Variants in AOX1 observed in about 807,000 individuals in gnomAD.
The protein encoded by AOX1 is aldehyde oxidase.
A neutral mutation model predicts 169.5 loss-of-function variants in AOX1; 153 were observed. The ratio of observed to expected loss-of-function variants is 0.90; its 90% confidence interval spans 0.79 to 1.03. The LOEUF is 1.03. Among genes scored for constraint, AOX1 ranks in the 50% least tolerant of loss-of-function variants. The probability of loss-of-function intolerance (pLI) is 0.00; values close to 1 mark genes in which losing one functional copy is unlikely to be tolerated. For synonymous variants in AOX1, 562 were observed against 581.9 expected (o/e 0.97, Z 0.49); for missense variants, 1,656 against 1,663.9 (o/e 1.00, Z 0.08).
intron 25 of AOX1, among the ~76,000 whole-genome samples, chr2:200,643,774 C>T (rs2035401149): frequency 6.6e-6 from 1 of 152,146 alleles, no homozygotes; most frequent in Non-Finnish European, 1.5e-5. Context: ...GGTGGTGTAG[C>T]ATTGTGGTTT....
At chr2:200,603,026 C>T (rs903812399) in intron 6 of AOX1, among the ~76,000 whole-genome samples, 12 of 152,086 alleles carry the variant, frequency 7.9e-5, no homozygotes, top group Non-Finnish European at 1.3e-4. Context: ...CTATGTGCCA[C>T]GCTTAGTTAT....
At chr2:200,668,466 TA>T in intron 32 of AOX1, 148 bp from the exon 33 acceptor site, 1 of 709,036 alleles carries the variant, frequency 1.4e-6, no homozygotes, top group Non-Finnish European at 2.3e-6. Context: ...GGCTTTTAGA[TA>T]AACTTTCAGC....
rs1390627546 is a variant in AOX1, at chr2:200,652,292, T to C, written c.3075+1091T>C. ...CAGGTGGTAGGTCAGAGAAGTGTTATAACAAATGATGATCTTATTGCAGTC... is the reference window on the plus strand; with the variant it reads ...CAGGTGGTAGGTCAGAGAAGTGTTACAACAAATGATGATCTTATTGCAGTC... On this transcript the variant is annotated intron_variant, in intron 26 of 34. Coordinates refer to ENST00000374700, the MANE Select transcript of AOX1 (RefSeq NM_001159.4). 2.0e-5 allele frequency among the ~76,000 whole-genome samples: 3 copies of C among 152,184 alleles called. No individual in the cohort carries two copies. In the East Asian group the frequency reaches 5.8e-4, roughly 29 times the overall value.
At chr2:200,640,476 G>A (rs2035331994) in intron 23 of AOX1, among the ~76,000 whole-genome samples, 1 of 152,150 alleles carries the variant, frequency 6.6e-6, no homozygotes, top group South Asian at 2.1e-4. Context: ...GAAGAGATGG[G>A]TCCAAGAGCC....
At chr2:200,655,713 A>G (rs1343331429) in intron 26 of AOX1, among the ~76,000 whole-genome samples, 1 of 152,128 alleles carries the variant, frequency 6.6e-6, no homozygotes, top group Non-Finnish European at 1.5e-5. Context: ...GTTGTCATTC[A>G]CGGGGGTAAT....
chr2:200,594,240 T>C (rs1156259491), intron 2 of AOX1, among the ~76,000 whole-genome samples: 4 of 152,144 alleles, frequency 2.6e-5, no homozygotes, highest in African/African-American at 9.7e-5. Context: ...TGGGGATGGT[T>C]GACAAGGACT....
chr2:200,656,816 A>T (rs1437608384), intron 26 of AOX1, 26 bp from the exon 27 acceptor site: 2 of 1,456,498 alleles, frequency 1.4e-6, no homozygotes, highest in African/African-American at 2.9e-5. Flanking sequence ...AAGATCACAG[A>T]AACAGTTTTC....
At position 200,609,057 on chromosome 2, in the gene AOX1, A is replaced by G; in HGVS notation, c.981A>G (p.Pro327=). Residue 327 remains proline, a synonymous_variant, in exon 11 of 35, where the codon CCA becomes CCG. Coordinates refer to ENST00000374700, the MANE Select transcript of AOX1 (RefSeq NM_001159.4). ...TGGCTGATGTAGTCCAGAAGCTTCC[A>G]GAGGAGAAGACACAGATGTACCATG... ...DILADVVQKL[P]EEKTQMYHAL... 1 of 1,614,098 alleles carries G rather than the reference A, an allele frequency of 6.2e-7. No homozygotes were observed. Among genetic ancestry groups the G allele is most frequent in the Non-Finnish European group, 8.5e-7 (1 of 1,179,986 alleles).
chr2:200,656,044 T>C (rs1258984598), intron 26 of AOX1, among the ~76,000 whole-genome samples: 1 of 152,208 alleles, frequency 6.6e-6, no homozygotes, highest in Non-Finnish European at 1.5e-5. Flanking sequence ...AAATTAGATG[T>C]GAAGAAACCT....
chr2:200,678,725 T>TAAAAA (rs60396347), downstream of AOX1: 4 of 140,696 alleles, frequency 2.8e-5, no homozygotes, highest in Non-Finnish European at 6.2e-5. Flanking sequence ...CAAAGCAAAT[T>TAAAAA]AAAAAAAAAA....
intron 19 of AOX1, among the ~76,000 whole-genome samples, chr2:200,626,237 ACT>A (rs2035001928): frequency 6.6e-6 from 1 of 152,042 alleles, no homozygotes; most frequent in Non-Finnish European, 1.5e-5. Flanking sequence ...ATCAACAAAC[ACT>A]CTGTCAAAGA....
downstream of AOX1, among the ~76,000 whole-genome samples, chr2:200,680,129 C>T (rs538925251): frequency 2.6e-5 from 4 of 152,114 alleles, no homozygotes; most frequent in Middle Eastern, 3.4e-3. Flanking sequence ...AAAACAAGGA[C>T]GCGTATTCTA....
At chr2:200,676,082 T>C (rs947490983), downstream of AOX1, among the ~76,000 whole-genome samples, 1 of 152,194 alleles carries the variant, frequency 6.6e-6, no homozygotes, top group African/African-American at 2.4e-5. Context: ...AATCTGATAC[T>C]AGTTTCCTTT....
intron 1 of AOX1, among the ~76,000 whole-genome samples, chr2:200,591,014 C>T (rs545867582): frequency 3.1e-4 from 47 of 152,294 alleles, no homozygotes; most frequent in African/African-American, 1.1e-3. Flanking sequence ...CAGTTTCTGC[C>T]ACCAATAACT....
intron 2 of AOX1, among the ~76,000 whole-genome samples, chr2:200,594,698 C>T (rs947823641): frequency 6.6e-6 from 1 of 152,174 alleles, no homozygotes. Flanking sequence ...AATGACCCCA[C>T]CTAGCTGCAG....
intron 26 of AOX1, among the ~76,000 whole-genome samples, chr2:200,656,458 T>C (rs769029464): frequency 6.6e-6 from 1 of 152,238 alleles, no homozygotes; most frequent in Non-Finnish European, 1.5e-5. Flanking sequence ...TCCAAAGCTC[T>C]GTAGTTCTGT....
intron 16 of AOX1, among the ~76,000 whole-genome samples, chr2:200,619,988 G>T (rs1559241257): frequency 6.6e-6 from 1 of 152,064 alleles, no homozygotes; most frequent in Non-Finnish European, 1.5e-5. Context: ...AATTTAAAGA[G>T]ATACATAAGC....
At chr2:200,613,505 A>G (rs7572503) in intron 14 of AOX1, among the ~76,000 whole-genome samples, 53,802 of 152,072 alleles carry the variant, frequency 0.35, 9,633 homozygotes, top group East Asian at 0.44. Context: ...GAGGACATTT[A>G]TTAGTGAGTA....
intron 25 of AOX1, 132 bp from the exon 26 acceptor site, chr2:200,650,842 T>C (rs1177700336): frequency 1.4e-6 from 1 of 712,296 alleles, no homozygotes; most frequent in African/African-American, 1.8e-5. Context: ...TAGGAAAGGC[T>C]TCCACAAGGA....
Sources: allele counts gnomAD v4.1 joint callset (sites outside exome capture counted in the v4.1 genomes callset), GRCh38; gene constraint gnomAD v4.1.1; transcripts MANE v1.5; gene names NCBI Gene and HGNC (gene_info 2026-07-23, HGNC 2026-07-21).